Variants in NPC1 observed in about 807,000 individuals in gnomAD.
NPC1 encodes the protein Niemann-Pick C1 protein.
Under a neutral mutation model 140.4 loss-of-function variants are expected in NPC1, and 85 were observed. The observed-to-expected ratio is 0.61, with a 90% CI of 0.51 to 0.72. NPC1 has a LOEUF of 0.72. NPC1 is among the 30% of genes least tolerant of loss of function. The pLI, the probability that NPC1 is intolerant of heterozygous loss-of-function variation, is 0.00. For synonymous variants in NPC1, 656 were observed against 624.8 expected (o/e 1.05, Z -0.74); for missense variants, 1,504 against 1,623.8 (o/e 0.93, Z 1.27).
chr18:23,563,192 CATGT>C (rs1241418745), intron 4 of NPC1, among the ~76,000 whole-genome samples: 6 of 152,176 alleles, frequency 3.9e-5, no homozygotes, highest in Admixed American at 2.0e-4. Context: ...CATATTGTGG[CATGT>C]ATCAATACTT....
intron 21 of NPC1, among the ~76,000 whole-genome samples, chr18:23,536,324 G>C (rs1185011663): frequency 2.0e-5 from 3 of 152,188 alleles, no homozygotes; most frequent in African/African-American, 7.2e-5. Flanking sequence ...CAGCAGTTAG[G>C]GATTCTGGTT....
downstream of NPC1, among the ~76,000 whole-genome samples, chr18:23,520,648 A>AT (rs2058119242): frequency 6.6e-6 from 1 of 151,024 alleles, no homozygotes; most frequent in Non-Finnish European, 1.5e-5. Flanking sequence ...TTTTAAATTT[A>AT]TTTTTTTGAC....
intron 3 of NPC1, chr18:23,516,053 T>C (rs1163080745): frequency 3.1e-6 from 5 of 1,610,334 alleles, no homozygotes; most frequent in African/African-American, 2.7e-5. Context: ...CCTGTTCCTG[T>C]AGCATCCTAA....
Position 23,538,220 on chromosome 18 carries a change from C to A in NPC1, c.3041+322G>T, listed in dbSNP as rs528670849. Among the ~76,000 whole-genome samples the A allele has an allele frequency of 7.2e-5, 11 of 152,282 alleles. 1 individual carries two copies. The South Asian group carries it at 1.7e-3, about 23-fold the overall frequency. On this transcript the variant is annotated intron_variant, in intron 20 of 24. Coordinates refer to ENST00000269228, the MANE Select transcript of NPC1 (RefSeq NM_000271.5). The stretch of plus-strand genomic sequence containing the variant: ...GTGAACAGGCCAAGTTCCTTCAGGC[C>A]TGGATTACCAGCAGGCCGTCCTCTC...
chr18:23,519,093 C>A, downstream of NPC1: 1 of 1,614,136 alleles, frequency 6.2e-7, no homozygotes, highest in Non-Finnish European at 8.5e-7. Context: ...AAAAGATGCA[C>A]ATATTGAAGT....
downstream of NPC1, chr18:23,529,184 G>A (rs1051050944): frequency 1.2e-6 from 2 of 1,609,574 alleles, no homozygotes; most frequent in South Asian, 1.1e-5. Flanking sequence ...TTCAGGCGGT[G>A]GAAGCAGGGC....
At chr18:23,560,608 G>A (rs933100385) in intron 5 of NPC1, 128 bp from the exon 6 acceptor site, 8 of 1,032,714 alleles carry the variant, frequency 7.7e-6, no homozygotes, top group Non-Finnish European at 1.1e-5. Context: ...AGAATTGGAG[G>A]TTTTAGTTTA....
intron 21 of NPC1, among the ~76,000 whole-genome samples, chr18:23,536,196 T>C (rs1368847917): frequency 6.6e-6 from 1 of 152,130 alleles, no homozygotes; most frequent in Non-Finnish European, 1.5e-5. Flanking sequence ...AAATCACTTG[T>C]TTCTCCTACC....
At chr18:23,531,286 G>A (rs1401428116), downstream of NPC1, among the ~76,000 whole-genome samples, 3 of 152,210 alleles carry the variant, frequency 2.0e-5, no homozygotes, top group South Asian at 2.1e-4. Context: ...ACCGCACCTG[G>A]CCCTGGTTGA....
intron 3 of NPC1, among the ~76,000 whole-genome samples, chr18:23,515,465 G>A (rs747537439): frequency 6.6e-6 from 1 of 152,352 alleles, no homozygotes; most frequent in Middle Eastern, 3.4e-3. Flanking sequence ...ATTTCACTTA[G>A]TGGGTTTCTT....
At chr18:23,538,712 C>G in intron 19 of NPC1, 41 bp from the exon 20 acceptor site, 2 of 1,610,822 alleles carry the variant, frequency 1.2e-6, no homozygotes, top group Non-Finnish European at 1.7e-6. Context: ...AAGAATAGGT[C>G]TCCAGATTTT....
Position 23,544,822 on chromosome 18 carries a change from C to A in NPC1, c.1947+138G>T. 6.8e-6 allele frequency: 5 copies of A among 732,422 alleles called. No homozygotes were observed. The South Asian group carries it at 8.5e-5, about 12-fold the overall frequency. 45.4% of individuals were successfully genotyped at this position (732,422 alleles called of 1,614,324 possible). A position where few individuals can be genotyped will look rare whatever the true frequency, so the allele number is the denominator to read the frequency against. On this transcript the variant is annotated intron_variant, in intron 12 of 24. Coordinates refer to ENST00000269228, the MANE Select transcript of NPC1 (RefSeq NM_000271.5). ...AGAAAATAGATGTAGGCAACAGAAA[C>A]GTTACATACAATTAAAACATGGGGG...
At chr18:23,543,347 GA>G (rs888343174) in intron 14 of NPC1, 107 bp downstream of exon 14, 8,963 of 384,220 alleles carry the variant, frequency 0.023, no homozygotes, top group Middle Eastern at 0.03. Context: ...AAAAAAAAAA[GA>G]AAAAAAAAAA....
intron 4 of NPC1, among the ~76,000 whole-genome samples, chr18:23,561,826 T>C (rs2059044354): frequency 6.6e-6 from 1 of 152,098 alleles, no homozygotes; most frequent in Admixed American, 6.6e-5. Context: ...AAATCCCCAC[T>C]ATATAGAAGA....
At chr18:23,518,077 G>T (rs1268938950), downstream of NPC1, among the ~76,000 whole-genome samples, 1 of 152,242 alleles carries the variant, frequency 6.6e-6, no homozygotes, top group Non-Finnish European at 1.5e-5. Flanking sequence ...TGGAGGTGGG[G>T]ACCTGTTCCC....
At chr18:23,551,517 A>T (rs566467763) in intron 10 of NPC1, 110 bp downstream of exon 10, 1 of 871,050 alleles carries the variant, frequency 1.1e-6, no homozygotes, top group South Asian at 1.3e-5. Flanking sequence ...AGAGGTAAGA[A>T]ATTAACAAAA....
intron 4 of NPC1, among the ~76,000 whole-genome samples, chr18:23,562,751 C>A (rs993905855): frequency 6.6e-6 from 1 of 151,908 alleles, no homozygotes; most frequent in African/African-American, 2.4e-5. Context: ...ATTTGGGAGG[C>A]CCTGGTGGGT....
intron 22 of NPC1, 59 bp downstream of exon 22, chr18:23,535,410 G>A: frequency 1.6e-6 from 2 of 1,232,474 alleles, no homozygotes; most frequent in Non-Finnish European, 2.3e-6. Context: ...ATCTAAGACA[G>A]CCAATTCCCC....
At chr18:23,539,323 A>T (rs1481936486) in intron 19 of NPC1, 32 bp downstream of exon 19, 1 of 1,518,688 alleles carries the variant, frequency 6.6e-7, no homozygotes, top group Non-Finnish European at 9.1e-7. Flanking sequence ...TTTTTCAGCA[A>T]AACAGGAAAG....
Sources: gnomAD v4.1 joint callset for allele counts (sites outside exome capture counted in the v4.1 genomes callset) on GRCh38, gnomAD v4.1.1 for gene constraint, MANE v1.5 for transcripts, NCBI Gene and HGNC (gene_info 2026-07-23, HGNC 2026-07-21) for gene names.